Variants in TBC1D32 observed in about 807,000 individuals in gnomAD.
TBC1D32 encodes TBC1 domain family member 32, also known as protein broad-minded.
A neutral mutation model predicts 170.3 loss-of-function variants in TBC1D32; 151 were observed. The ratio of observed to expected loss-of-function variants is 0.89; its 90% CI spans 0.78 to 1.01. The LOEUF (loss-of-function observed/expected upper bound fraction) is 1.01. TBC1D32 is among the 50% of genes least tolerant of loss of function. The pLI is 0.00. For synonymous variants in TBC1D32, 498 were observed against 488.0 expected, an observed-to-expected ratio of 1.02 and a Z score of -0.27; for missense variants, 1,464 against 1,457.1, an observed-to-expected ratio of 1.00 and a Z score of -0.08.
chr6:121,086,559 C>T (rs1483824865), intron 31 of TBC1D32, among the ~76,000 whole-genome samples: 1 of 152,142 alleles, frequency 6.6e-6, no homozygotes, highest in Non-Finnish European at 1.5e-5. Flanking sequence ...TGACAATTTA[C>T]TGATTGAGTT....
intron 15 of TBC1D32, among the ~76,000 whole-genome samples, chr6:121,270,208 G>C (rs922781041): frequency 6.6e-6 from 1 of 152,032 alleles, no homozygotes; most frequent in Non-Finnish European, 1.5e-5. Flanking sequence ...AAGAACTAGA[G>C]AAGCAAGAGC....
chr6:121,129,227 T>C (rs985291191), intron 25 of TBC1D32, among the ~76,000 whole-genome samples: 2 of 152,224 alleles, frequency 1.3e-5, no homozygotes, highest in Non-Finnish European at 2.9e-5. Context: ...ATGCTTTGAG[T>C]ACCCATACAA....
intron 30 of TBC1D32, among the ~76,000 whole-genome samples, chr6:121,098,196 A>C (rs968909166): frequency 4.2e-5 from 3 of 71,440 alleles, no homozygotes; most frequent in African/African-American, 4.2e-4. Flanking sequence ...AAAGTAGAAT[A>C]ATAATAATAA....
chr6:121,080,794 T>TC lies in TBC1D32; in HGVS notation c.3750dup (p.Asn1251GlufsTer3), dbSNP rs767000523. 6.2e-7 allele frequency: 1 copy of TC among 1,613,364 alleles called. No homozygotes were observed. Among genetic ancestry groups the TC allele is most frequent in the African/African-American group, 1.3e-5 (1 of 74,874 alleles). The stretch of plus-strand genomic sequence containing the variant: ...ATCTATGTGCTCTGCAGTCTAATGT[T>TC]CCGCATGTCTCTCAGCAGCACTGTT... On this transcript the variant is annotated frameshift_variant, in exon 32 of 32. Transcript: ENST00000398212. LOFTEE classifies it high-confidence loss of function.
At chr6:121,270,222 C>T (rs527316883) in intron 15 of TBC1D32, among the ~76,000 whole-genome samples, 2 of 151,992 alleles carry the variant, frequency 1.3e-5, no homozygotes, top group East Asian at 3.9e-4. Context: ...CAAGAGCAAA[C>T]ATATTCAAAA....
intron 31 of TBC1D32, among the ~76,000 whole-genome samples, chr6:121,089,910 A>G (rs946731939): frequency 2.0e-5 from 3 of 151,910 alleles, no homozygotes; most frequent in Admixed American, 2.0e-4. Context: ...TAGTAGGGAT[A>G]AGGAAACATT....
Position 121,148,149 on chromosome 6 carries a change from C to T in TBC1D32, c.2773+11861G>A, listed in dbSNP as rs539619184. Among the ~76,000 whole-genome samples, 20 of 152,082 alleles carry T rather than the reference C, an allele frequency of 1.3e-4. No homozygotes were observed. The South Asian group carries it at 1.5e-3, about 11-fold the overall frequency. ...ATCCCACCCCTTGCCTCCCAACCCC[C>T]GACAGGCCCCAGTGTGTGATGTTCC... On this transcript the variant is annotated intron_variant, in intron 24 of 31. Transcript: ENST00000398212.
chr6:121,327,487 T>C (rs1358525940), intron 1 of TBC1D32, among the ~76,000 whole-genome samples: 5 of 152,202 alleles, frequency 3.3e-5, no homozygotes, highest in African/African-American at 9.7e-5. Flanking sequence ...AGATATAATA[T>C]ATTCTAGTTA....
intron 22 of TBC1D32, among the ~76,000 whole-genome samples, chr6:121,181,543 T>C (rs1788512127): frequency 6.6e-6 from 1 of 152,158 alleles, no homozygotes; most frequent in Admixed American, 6.6e-5. Context: ...CTTTTCTTTA[T>C]GAATTACCCA....
chr6:121,191,191 T>C (rs1359682529), intron 22 of TBC1D32, among the ~76,000 whole-genome samples: 1 of 152,224 alleles, frequency 6.6e-6, no homozygotes, highest in Admixed American at 6.5e-5. Flanking sequence ...ATTTTTGTTA[T>C]ATACATGCAT....
intron 22 of TBC1D32, among the ~76,000 whole-genome samples, chr6:121,171,174 G>A (rs1786929438): frequency 6.6e-6 from 1 of 151,874 alleles, no homozygotes; most frequent in Admixed American, 6.6e-5. Context: ...ACAGGCATTA[G>A]AGAAACATAT....
intron 24 of TBC1D32, among the ~76,000 whole-genome samples, chr6:121,155,754 T>C (rs553626335): frequency 6.6e-5 from 10 of 152,288 alleles, no homozygotes; most frequent in South Asian, 2.1e-4. Context: ...TCTGTGTCTA[T>C]TGAAACGGTA....
chr6:121,265,620 T>C (rs56075974), intron 15 of TBC1D32, among the ~76,000 whole-genome samples: 40 of 150,534 alleles, frequency 2.7e-4, no homozygotes, highest in African/African-American at 9.5e-4. Context: ...TATAGCCAAG[T>C]CAATCCTAAA....
intron 3 of TBC1D32, among the ~76,000 whole-genome samples, chr6:121,314,649 G>A (rs887450454): frequency 6.6e-6 from 1 of 152,212 alleles, no homozygotes; most frequent in Non-Finnish European, 1.5e-5. Context: ...CAATGCCCGT[G>A]CTGTACTATA....
intron 1 of TBC1D32, among the ~76,000 whole-genome samples, chr6:121,334,052 G>A (rs1277812123): frequency 6.6e-6 from 1 of 152,172 alleles, no homozygotes; most frequent in African/African-American, 2.4e-5. Flanking sequence ...GGGCGACAGA[G>A]CGAGACTCCC....
chr6:121,317,722 ACAGT>A (rs759161481), intron 2 of TBC1D32, 50 bp from the exon 3 acceptor site: 1 of 1,316,676 alleles, frequency 7.6e-7, no homozygotes, highest in Non-Finnish European at 1.0e-6. Flanking sequence ...AGAAATTAAA[ACAGT>A]CAACTAGTTA....
chr6:121,334,642 G>C (rs536941838), upstream of TBC1D32: 2 of 601,826 alleles, frequency 3.3e-6, no homozygotes, highest in Admixed American at 3.0e-5. Context: ...GGTCCGCGAG[G>C]TCTCGCCTCT....
intron 22 of TBC1D32, among the ~76,000 whole-genome samples, chr6:121,195,899 T>A (rs1186001363): frequency 6.6e-6 from 1 of 152,132 alleles, no homozygotes; most frequent in Non-Finnish European, 1.5e-5. Context: ...GCACTTTGCA[T>A]GGAAGGAGAA....
At chr6:121,102,329 C>T (rs1163883970) in intron 30 of TBC1D32, among the ~76,000 whole-genome samples, 2 of 152,104 alleles carry the variant, frequency 1.3e-5, no homozygotes, top group African/African-American at 4.8e-5. Context: ...TGCTACCTGA[C>T]TTCAAACTAT....
Sources: gnomAD v4.1 joint callset for allele counts (sites outside exome capture counted in the v4.1 genomes callset) on GRCh38, gnomAD v4.1.1 for gene constraint, MANE v1.5 for transcripts, NCBI Gene and HGNC (gene_info 2026-07-23, HGNC 2026-07-21) for gene names.